The following MACROH2A1 variants were observed in gnomAD, a reference collection of about 807,000 sequenced individuals.
MACROH2A1 encodes the protein core histone macro-H2A.1.
A neutral mutation model predicts 31.6 loss-of-function variants in MACROH2A1; 2 were observed. The ratio of observed to expected loss-of-function variants is 0.06; its 90% CI spans 0.03 to 0.20. The LOEUF is 0.20. MACROH2A1 is among the 10% of genes least tolerant of loss of function. MACROH2A1 has a pLI of 1.00. For synonymous variants in MACROH2A1, 169 were observed against 189.6 expected (o/e 0.89, Z 0.89); for missense variants, 230 against 474.0 (o/e 0.49, Z 4.78).
Position 135,359,326 on chromosome 5 carries a change from G to T in MACROH2A1, c.588+1171C>A, listed in dbSNP as rs527855497. 8 of 985,226 alleles carry T rather than the reference G, an allele frequency of 8.1e-6. No homozygotes were observed. The South Asian group carries it at 2.3e-4, about 29-fold the overall frequency. 61.0% of individuals were successfully genotyped at this position (985,226 alleles called of 1,614,324 possible). On this transcript the variant is annotated intron_variant, in intron 5 of 8. Coordinates refer to ENST00000511689, the MANE Select transcript of MACROH2A1 (RefSeq NM_138610.3). ...ATTACCCAAGGAATATGTTACAGGGGTGAAAGTAGACCCAGGCAGTTGTCT... is the reference window on the plus strand; with the variant it reads ...ATTACCCAAGGAATATGTTACAGGGTTGAAAGTAGACCCAGGCAGTTGTCT...
intron 2 of MACROH2A1, among the ~76,000 whole-genome samples, chr5:135,382,396 T>C (rs538438760): frequency 6.6e-6 from 1 of 152,334 alleles, no homozygotes; most frequent in East Asian, 1.9e-4. Context: ...ATCTTCAAGA[T>C]AGCAATGAGA....
intron 5 of MACROH2A1, chr5:135,353,260 C>G (rs1761796894): frequency 1.9e-6 from 1 of 519,792 alleles, no homozygotes; most frequent in Non-Finnish European, 3.4e-6. Flanking sequence ...ATGTTCAGAG[C>G]CCGTGGGTGG....
chr5:135,346,246 C>T (rs1561581556), intron 6 of MACROH2A1, 189 bp from the exon 7 acceptor site: 1 of 587,904 alleles, frequency 1.7e-6, no homozygotes, highest in Non-Finnish European at 3.1e-6. Flanking sequence ...CAGTTACTAC[C>T]CTCAAATTGC....
chr5:135,390,975 C>T (rs189916869), intron 1 of MACROH2A1, among the ~76,000 whole-genome samples: 2 of 152,264 alleles, frequency 1.3e-5, no homozygotes, highest in East Asian at 1.9e-4. Flanking sequence ...CTGTCATGAG[C>T]GCCCTGTCAA....
chr5:135,350,966 C>T (rs1238581868), intron 6 of MACROH2A1: 4 of 1,223,704 alleles, frequency 3.3e-6, no homozygotes, highest in South Asian at 1.3e-5. Context: ...GACCCACGCA[C>T]AGGCACATTT....
intron 5 of MACROH2A1, chr5:135,357,512 G>A (rs1292317401): frequency 3.9e-5 from 6 of 153,904 alleles, no homozygotes; most frequent in African/African-American, 1.4e-4. Flanking sequence ...GGGAGGTAAG[G>A]AGACTCATCA....
chr5:135,373,517 G>A (rs1764458698), intron 2 of MACROH2A1, among the ~76,000 whole-genome samples: 1 of 152,196 alleles, frequency 6.6e-6, no homozygotes, highest in Non-Finnish European at 1.5e-5. Context: ...TTCTCCATTA[G>A]AGAAACTTGA....
At chr5:135,346,404 T>C in intron 6 of MACROH2A1, 1 of 255,752 alleles carries the variant, frequency 3.9e-6, no homozygotes, top group Admixed American at 5.0e-5. Context: ...AGATACTAGC[T>C]GGTACTGGTT....
At chr5:135,385,238 G>A (rs891440098) in intron 2 of MACROH2A1, among the ~76,000 whole-genome samples, 1 of 152,194 alleles carries the variant, frequency 6.6e-6, no homozygotes, top group African/African-American at 2.4e-5. Flanking sequence ...CCCTTCTTAG[G>A]AACTTCAGTG....
At chr5:135,391,145 T>C (rs1218552134) in intron 1 of MACROH2A1, among the ~76,000 whole-genome samples, 2 of 152,222 alleles carry the variant, frequency 1.3e-5, no homozygotes, top group African/African-American at 4.8e-5. Flanking sequence ...CAGGAAATGA[T>C]ATGTGTATAT....
intron 8 of MACROH2A1, among the ~76,000 whole-genome samples, chr5:135,341,807 T>C (rs1465684156): frequency 1.3e-5 from 2 of 152,252 alleles, no homozygotes; most frequent in Non-Finnish European, 2.9e-5. Flanking sequence ...CAGCTGTCAG[T>C]TCAGGACATG....
At chr5:135,372,300 A>G (rs932099535) in intron 2 of MACROH2A1, among the ~76,000 whole-genome samples, 2 of 152,230 alleles carry the variant, frequency 1.3e-5, no homozygotes, top group Non-Finnish European at 2.9e-5. Context: ...GAGAGCCACA[A>G]AACTAAGGCA....
At chr5:135,356,633 G>C (rs1006459376) in intron 5 of MACROH2A1, 4 of 152,270 alleles carry the variant, frequency 2.6e-5, no homozygotes, top group African/African-American at 9.6e-5. Flanking sequence ...ATCTGAGGTG[G>C]CTCAGAGCCA....
chr5:135,367,899 T>A (rs1288685475), intron 4 of MACROH2A1, among the ~76,000 whole-genome samples: 1 of 152,244 alleles, frequency 6.6e-6, no homozygotes, highest in Non-Finnish European at 1.5e-5. Flanking sequence ...AATGCATATG[T>A]TGAAAGGGAA....
intron 5 of MACROH2A1, chr5:135,356,668 C>G (rs1008632036): frequency 7.9e-5 from 12 of 152,186 alleles, no homozygotes; most frequent in African/African-American, 2.7e-4. Context: ...GGATGGGAGG[C>G]TGGCCCCCAC....
chr5:135,373,979 G>A lies in MACROH2A1; in HGVS notation c.173-3837C>T, dbSNP rs114423892. 6.8e-3 allele frequency among the ~76,000 whole-genome samples: 1,034 copies of A among 152,252 alleles called. 14 individuals are homozygous for A. The highest frequency in any genetic ancestry group is 0.011 in the Non-Finnish European group (731 of 68,006). ...ATCGTTAAGGGACACACAAGACAGA[G>A]CACCTCAGAAACACACCTTTTATGA... is the stretch of plus-strand genomic sequence containing the variant. On this transcript the variant is annotated intron_variant, in intron 2 of 8. Transcript: ENST00000511689.
chr5:135,394,587 C>G (rs998795211), intron 1 of MACROH2A1, among the ~76,000 whole-genome samples: 2 of 152,192 alleles, frequency 1.3e-5, no homozygotes, highest in Non-Finnish European at 2.9e-5. Flanking sequence ...TTAATATACT[C>G]AATTATTTTT....
chr5:135,351,543 A>ATTTTTTTTTTTTTTTTTTTATTTT (rs1761553480), intron 6 of MACROH2A1: 1 of 48,480 alleles, frequency 2.1e-5, no homozygotes, highest in Non-Finnish European at 4.0e-5. Flanking sequence ...TTATGGTTTA[A>ATTTTTTTTTTTTTTTTTTTATTTT]TTTTTTTTTT....
intron 2 of MACROH2A1, among the ~76,000 whole-genome samples, chr5:135,385,782 G>T (rs1766321698): frequency 6.6e-6 from 1 of 152,196 alleles, no homozygotes; most frequent in African/African-American, 2.4e-5. Context: ...CCCCCAAGCA[G>T]CCTGGGCCCT....
Sources: allele counts gnomAD v4.1 joint callset (sites outside exome capture counted in the v4.1 genomes callset), GRCh38; gene constraint gnomAD v4.1.1; transcripts MANE v1.5; gene names NCBI Gene and HGNC (gene_info 2026-07-23, HGNC 2026-07-21).